GABBR2: variants seen among roughly 807,000 people sequenced by gnomAD.
GABBR2 encodes the protein G-protein coupled receptor 51.
A neutral mutation model predicts 105.6 loss-of-function variants in GABBR2; 23 were observed. The ratio of observed to expected loss-of-function variants is 0.22; its 90% CI spans 0.16 to 0.31. The LOEUF (loss-of-function observed/expected upper bound fraction) is 0.31. Among genes scored for constraint, GABBR2 ranks in the 10% least tolerant of loss-of-function variants. The probability of loss-of-function intolerance (pLI) is 1.00; values close to 1 mark genes in which losing one functional copy is unlikely to be tolerated. For synonymous variants in GABBR2, 478 were observed against 499.7 expected (o/e 0.96, Z 0.58); for missense variants, 734 against 1,245.5 (o/e 0.59, Z 6.18).
intron 3 of GABBR2, among the ~76,000 whole-genome samples, chr9:98,511,750 T>G (rs1313719052): frequency 6.6e-6 from 1 of 152,250 alleles, no homozygotes; most frequent in Admixed American, 6.5e-5. Flanking sequence ...GGCTCTGAAA[T>G]TGAGGCAATA....
chr9:98,351,975 G>T (rs1362278380), intron 13 of GABBR2, among the ~76,000 whole-genome samples: 2 of 152,222 alleles, frequency 1.3e-5, no homozygotes, highest in African/African-American at 4.8e-5. Flanking sequence ...TGACTTTCAT[G>T]GGGAAATAAT....
chr9:98,701,532 G>C (rs1588289024), intron 1 of GABBR2, among the ~76,000 whole-genome samples: 1 of 152,148 alleles, frequency 6.6e-6, no homozygotes. Context: ...AACCATCCCA[G>C]AGGGTGCTAA....
intron 4 of GABBR2, among the ~76,000 whole-genome samples, chr9:98,485,904 A>AC (rs551022163): frequency 1.1e-3 from 161 of 152,012 alleles, no homozygotes; most frequent in Admixed American, 3.2e-3. Context: ...CATGCCCCAC[A>AC]CCCCACAGAG....
chr9:98,481,904 G>A (rs1269518111), intron 4 of GABBR2, among the ~76,000 whole-genome samples: 1 of 152,212 alleles, frequency 6.6e-6, no homozygotes, highest in Non-Finnish European at 1.5e-5. Flanking sequence ...CAATTACTGA[G>A]CATCAGCCAG....
At chr9:98,377,476 A>T (rs1313153483) in intron 11 of GABBR2, among the ~76,000 whole-genome samples, 1 of 152,144 alleles carries the variant, frequency 6.6e-6, no homozygotes, top group African/African-American at 2.4e-5. Context: ...TCTGGGCCTT[A>T]CCCACTCCCC....
At chr9:98,428,232 G>A (rs1825734500) in intron 7 of GABBR2, among the ~76,000 whole-genome samples, 1 of 152,172 alleles carries the variant, frequency 6.6e-6, no homozygotes, top group Non-Finnish European at 1.5e-5. Flanking sequence ...TGTGCCCATG[G>A]ACCAGCAATG....
At chr9:98,398,710 C>T (rs962927644) in intron 8 of GABBR2, among the ~76,000 whole-genome samples, 1 of 152,140 alleles carries the variant, frequency 6.6e-6, no homozygotes, top group Non-Finnish European at 1.5e-5. Flanking sequence ...AGTGATTTTT[C>T]ACTTCCACCC....
intron 1 of GABBR2, among the ~76,000 whole-genome samples, chr9:98,666,905 A>G (rs985512941): frequency 2.0e-5 from 3 of 152,208 alleles, no homozygotes; most frequent in Non-Finnish European, 2.9e-5. Context: ...GATCCTGGTC[A>G]TCAAGAGGGG....
At chr9:98,464,586 G>A (rs1374384435) in intron 6 of GABBR2, among the ~76,000 whole-genome samples, 9 of 152,134 alleles carry the variant, frequency 5.9e-5, no homozygotes, top group East Asian at 5.9e-4. Flanking sequence ...CTGCCAAGCC[G>A]CCCCGTCTGG....
At chr9:98,344,954 A>T (rs1831278682) in intron 13 of GABBR2, among the ~76,000 whole-genome samples, 1 of 152,152 alleles carries the variant, frequency 6.6e-6, no homozygotes, top group African/African-American at 2.4e-5. Context: ...ACTTATGGCC[A>T]GAAATGAATT....
intron 6 of GABBR2, among the ~76,000 whole-genome samples, chr9:98,467,247 AGAGGTATG>A (rs1826578079): frequency 6.6e-6 from 1 of 152,104 alleles, no homozygotes; most frequent in African/African-American, 2.4e-5. Flanking sequence ...AGAGGGGAGG[AGAGGTATG>A]GATGTTGGTA....
intron 12 of GABBR2, among the ~76,000 whole-genome samples, chr9:98,365,197 TC>T (rs1199610811): frequency 6.6e-6 from 1 of 152,260 alleles, no homozygotes; most frequent in Non-Finnish European, 1.5e-5. Context: ...GGACTCAGTT[TC>T]CTTCTTTTTA....
chr9:98,504,922 G>A (rs1290685345), intron 3 of GABBR2, among the ~76,000 whole-genome samples: 1 of 152,202 alleles, frequency 6.6e-6, no homozygotes, highest in Non-Finnish European at 1.5e-5. Flanking sequence ...ATTAATTTAA[G>A]CTAATTAAAA....
At chr9:98,585,520 T>A (rs1372935968) in intron 1 of GABBR2, among the ~76,000 whole-genome samples, 2 of 149,200 alleles carry the variant, frequency 1.3e-5, no homozygotes, top group African/African-American at 4.9e-5. Context: ...AGGGATAGCA[T>A]TAGGAGATAT....
At chr9:98,503,427 C>T (rs1343764085) in intron 3 of GABBR2, among the ~76,000 whole-genome samples, 2 of 151,924 alleles carry the variant, frequency 1.3e-5, no homozygotes, top group Non-Finnish European at 1.5e-5. Context: ...GATGGAGTGA[C>T]ATTATTAGAA....
intron 13 of GABBR2, among the ~76,000 whole-genome samples, chr9:98,324,492 CG>C (rs1830883159): frequency 9.0e-6 from 1 of 111,728 alleles, no homozygotes. Flanking sequence ...ACTACAGAGC[CG>C]ACACACACAC....
At chr9:98,649,662 G>A (rs906681495) in intron 1 of GABBR2, among the ~76,000 whole-genome samples, 1 of 152,222 alleles carries the variant, frequency 6.6e-6, no homozygotes, top group African/African-American at 2.4e-5. Flanking sequence ...TGAAAGTGCC[G>A]CAACAATACA....
chr9:98,707,888 C>T (rs1354589812), intron 1 of GABBR2, among the ~76,000 whole-genome samples: 2 of 152,258 alleles, frequency 1.3e-5, no homozygotes, highest in African/African-American at 4.8e-5. Flanking sequence ...GCGCACCAGG[C>T]GCCCAGCCAC....
At chr9:98,415,280 T>G (rs1375107166) in intron 7 of GABBR2, among the ~76,000 whole-genome samples, 1 of 152,194 alleles carries the variant, frequency 6.6e-6, no homozygotes, top group Non-Finnish European at 1.5e-5. Flanking sequence ...TATTAAAAAC[T>G]TTTTAAAAAG....
Sources: gnomAD v4.1 joint callset for allele counts (sites outside exome capture counted in the v4.1 genomes callset) on GRCh38, gnomAD v4.1.1 for gene constraint, MANE v1.5 for transcripts, NCBI Gene and HGNC (gene_info 2026-07-23, HGNC 2026-07-21) for gene names.